Variants in NUDCD3 observed in about 807,000 individuals in gnomAD.
NUDCD3 encodes NudC domain containing 3, also known as nudC domain-containing protein 3.
A neutral mutation model predicts 39.7 loss-of-function variants in NUDCD3; 13 were observed. The observed-to-expected ratio is 0.33, with a 90% CI of 0.21 to 0.52. The LOEUF is 0.52. Ranked by LOEUF, NUDCD3 falls within the 20% of genes least tolerant of loss-of-function variation. The pLI, the probability that NUDCD3 is intolerant of heterozygous loss-of-function variation, is 0.96. For synonymous variants in NUDCD3, 175 were observed against 172.4 expected, an observed-to-expected ratio of 1.02 and a Z score of -0.12; for missense variants, 453 against 458.1, an observed-to-expected ratio of 0.99 and a Z score of 0.10.
intron 2 of NUDCD3, among the ~76,000 whole-genome samples, chr7:44,455,227 T>A (rs1323879363): frequency 6.6e-6 from 1 of 151,948 alleles, no homozygotes; most frequent in African/African-American, 2.4e-5. Flanking sequence ...TGCACTTACA[T>A]CTCAGTTATC....
At chr7:44,433,391 G>A (rs868243341) in intron 2 of NUDCD3, among the ~76,000 whole-genome samples, 7 of 152,046 alleles carry the variant, frequency 4.6e-5, no homozygotes, top group Admixed American at 1.3e-4. Context: ...ACATGCATGC[G>A]GCTGGTGCAT....
chr7:44,474,974 A>C (rs1249486496), intron 2 of NUDCD3, among the ~76,000 whole-genome samples: 2 of 152,224 alleles, frequency 1.3e-5, no homozygotes, highest in Non-Finnish European at 2.9e-5. Flanking sequence ...CTGAGGGGAA[A>C]CAGACAGACA....
At chr7:44,424,579 CACA>C (rs1332546110) in intron 3 of NUDCD3, among the ~76,000 whole-genome samples, 2 of 152,028 alleles carry the variant, frequency 1.3e-5, no homozygotes, top group Non-Finnish European at 2.9e-5. Context: ...AAATAAAAAC[CACA>C]ACGAGATACC....
At chr7:44,415,831 G>A (rs1799010150) in intron 3 of NUDCD3, among the ~76,000 whole-genome samples, 1 of 152,064 alleles carries the variant, frequency 6.6e-6, no homozygotes, top group African/African-American at 2.4e-5. Flanking sequence ...TTGCAGCCGG[G>A]GTTACCATCG....
intron 4 of NUDCD3, among the ~76,000 whole-genome samples, chr7:44,403,856 A>G (rs11770266): frequency 0.052 from 7,907 of 152,274 alleles, 269 homozygotes; most frequent in South Asian, 0.089. Flanking sequence ...GTTGTGCCTC[A>G]ATTTATCTGT....
At position 44,419,137 on chromosome 7, in the gene NUDCD3, G is replaced by A. The variant is rs935958942; in HGVS notation, c.642+8434C>T. Reference sequence around the variant, plus strand: ...GAAGCCAGGGAGCCAAGGGACAATCGAGCTTGGTGGGGGGAAGGGCGCCTG... The same window carrying A: ...GAAGCCAGGGAGCCAAGGGACAATCAAGCTTGGTGGGGGGAAGGGCGCCTG... On this transcript the variant is annotated intron_variant, in intron 3 of 5. Coordinates refer to ENST00000355451, the MANE Select transcript of NUDCD3 (RefSeq NM_015332.4). Among the ~76,000 whole-genome samples, 224 of 152,180 alleles carry A rather than the reference G, an allele frequency of 1.5e-3. 1 individual carries two copies. The highest frequency in any genetic ancestry group is 3.4e-3 in the Middle Eastern group (1 of 294).
intron 2 of NUDCD3, among the ~76,000 whole-genome samples, chr7:44,429,195 T>C (rs1023318991): frequency 2.0e-5 from 3 of 152,136 alleles, no homozygotes; most frequent in African/African-American, 4.8e-5. Context: ...ATAGTGGCTG[T>C]TAAGAACTGA....
chr7:44,422,933 C>T (rs1799168553), intron 3 of NUDCD3, among the ~76,000 whole-genome samples: 1 of 151,936 alleles, frequency 6.6e-6, no homozygotes, highest in African/African-American at 2.4e-5. Context: ...CATCAAAAAG[C>T]TTATCTACTA....
intron 2 of NUDCD3, among the ~76,000 whole-genome samples, chr7:44,477,772 G>A (rs1474286377): frequency 3.3e-5 from 5 of 151,468 alleles, no homozygotes; most frequent in Admixed American, 3.3e-4. Flanking sequence ...AAACACTGAG[G>A]CTCAAATGGC....
intron 2 of NUDCD3, among the ~76,000 whole-genome samples, chr7:44,447,616 T>G (rs1439165374): frequency 6.6e-6 from 1 of 152,188 alleles, no homozygotes; most frequent in African/African-American, 2.4e-5. Flanking sequence ...ACTTGACAAC[T>G]GAACCTGCCA....
intron 2 of NUDCD3, chr7:44,468,119 C>T (rs368130664): frequency 5.0e-5 from 81 of 1,608,060 alleles, no homozygotes; most frequent in Admixed American, 8.3e-5. Context: ...CAGTGGCTTC[C>T]GGAAGTTCCT....
At chr7:44,462,975 G>GTA (rs1800045949) in intron 2 of NUDCD3, among the ~76,000 whole-genome samples, 3 of 151,670 alleles carry the variant, frequency 2.0e-5, no homozygotes, top group Admixed American at 1.3e-4. Flanking sequence ...GTGTGTGTGT[G>GTA]TGTGTGTGTG....
chr7:44,433,388 T>A (rs1799403298), intron 2 of NUDCD3, among the ~76,000 whole-genome samples: 1 of 152,068 alleles, frequency 6.6e-6, no homozygotes, highest in African/African-American at 2.4e-5. Context: ...GCCACATGCA[T>A]GCGGCTGGTG....
At chr7:44,437,377 C>T (rs1799488509) in intron 2 of NUDCD3, among the ~76,000 whole-genome samples, 1 of 152,110 alleles carries the variant, frequency 6.6e-6, no homozygotes, top group African/African-American at 2.4e-5. Context: ...CATTACCATT[C>T]GACCTTTGTT....
At chr7:44,490,238 T>G (rs1429044275) in intron 1 of NUDCD3, 171 bp downstream of exon 1, 3 of 647,132 alleles carry the variant, frequency 4.6e-6, no homozygotes, top group African/African-American at 1.9e-5. Context: ...CTCAGCGGAA[T>G]AAGCTGACAT....
At chr7:44,439,806 T>C (rs1206593505) in intron 2 of NUDCD3, among the ~76,000 whole-genome samples, 2 of 152,068 alleles carry the variant, frequency 1.3e-5, no homozygotes, top group African/African-American at 2.4e-5. Flanking sequence ...ATCTTCCTAA[T>C]GGAAGTCCAA....
chr7:44,460,472 G>T (rs1799984412), intron 2 of NUDCD3, among the ~76,000 whole-genome samples: 1 of 152,056 alleles, frequency 6.6e-6, no homozygotes, highest in Non-Finnish European at 1.5e-5. Context: ...GCAGGAAGTG[G>T]GCAGCTACCA....
At position 44,490,544 on chromosome 7, in the gene NUDCD3, GT is replaced by G; in HGVS notation, c.56del (p.His19ProfsTer98). 6.2e-7 allele frequency: 1 copy of G among 1,612,338 alleles called. No homozygotes were observed. The highest frequency in any genetic ancestry group is 8.5e-7 in the Non-Finnish European group (1 of 1,179,288). On this transcript the variant is annotated frameshift_variant, in exon 1 of 6. Transcript: ENST00000355451. LOFTEE classifies it high-confidence loss of function. ...YDQALLGILQ[H>X]VGNVQDFLRV... The stretch of plus-strand genomic sequence containing the variant: ...GCAGGAAATCCTGGACGTTGCCCAC[GT>G]GCTGCAGGATGCCCAAAAGGGCCTG...
chr7:44,405,136 C>A (rs1001246037), intron 3 of NUDCD3, among the ~76,000 whole-genome samples: 1 of 152,212 alleles, frequency 6.6e-6, no homozygotes, highest in Non-Finnish European at 1.5e-5. Context: ...ATGAGACCAA[C>A]TCCTTTGGTT....
Sources: allele counts gnomAD v4.1 joint callset (sites outside exome capture counted in the v4.1 genomes callset), GRCh38; gene constraint gnomAD v4.1.1; transcripts MANE v1.5; gene names NCBI Gene and HGNC (gene_info 2026-07-23, HGNC 2026-07-21).